Variants in TRAPPC9 observed in about 807,000 individuals in gnomAD.
TRAPPC9 encodes the protein trafficking protein particle complex subunit 9, also known as IKK2 binding protein.
A neutral mutation model predicts 124.0 loss-of-function variants in TRAPPC9; 83 were observed. The observed-to-expected ratio is 0.67, with a 90% CI of 0.56 to 0.80. TRAPPC9 has a LOEUF of 0.80. Among genes scored for constraint, TRAPPC9 ranks in the 30% least tolerant of loss-of-function variants. TRAPPC9 has a pLI of 0.00. For synonymous variants in TRAPPC9, 638 were observed against 617.5 expected, an observed-to-expected ratio of 1.03 and a Z score of -0.49; for missense variants, 1,302 against 1,508.3, an observed-to-expected ratio of 0.86 and a Z score of 2.27.
chr8:140,020,248 C>T (rs917393661), intron 18 of TRAPPC9, among the ~76,000 whole-genome samples: 4 of 152,142 alleles, frequency 2.6e-5, no homozygotes, highest in Admixed American at 6.5e-5. Context: ...CTGATATCCA[C>T]TCTATTATTT....
intron 21 of TRAPPC9, among the ~76,000 whole-genome samples, chr8:139,786,317 G>A (rs886199983): frequency 6.6e-6 from 1 of 152,190 alleles, no homozygotes. Flanking sequence ...ACTTAACACC[G>A]TGAGTCAGTA....
intron 7 of TRAPPC9, among the ~76,000 whole-genome samples, chr8:140,379,921 C>T (rs1451036591): frequency 1.3e-5 from 2 of 152,178 alleles, no homozygotes; most frequent in African/African-American, 4.8e-5. Flanking sequence ...CTAAATTTGT[C>T]TCCTTCCTGG....
intron 21 of TRAPPC9, among the ~76,000 whole-genome samples, chr8:139,814,811 A>G (rs971881583): frequency 6.6e-6 from 1 of 152,216 alleles, no homozygotes; most frequent in Non-Finnish European, 1.5e-5. Context: ...GGTGCCAAAG[A>G]CAGACAGAAG....
intron 17 of TRAPPC9, among the ~76,000 whole-genome samples, chr8:140,058,614 T>C (rs1489724008): frequency 1.3e-5 from 2 of 152,030 alleles, no homozygotes; most frequent in African/African-American, 4.8e-5. Context: ...GCAGGGAGCA[T>C]CCTGACGGAA....
chr8:140,155,662 A>G (rs1004823697), intron 17 of TRAPPC9, among the ~76,000 whole-genome samples: 1 of 152,112 alleles, frequency 6.6e-6, no homozygotes, highest in African/African-American at 2.4e-5. Context: ...CTTCAGCCAA[A>G]AAAGATACAT....
rs191831471 is a variant in TRAPPC9, at chr8:139,759,705, G to A, written c.3056-27503C>T. ...AACACGAACTGCAGACACGGGGGCC[G>A]GGCTCCCCTGGGGGGACACAAACTC... On this transcript the variant is annotated intron_variant, in intron 21 of 22. Coordinates refer to ENST00000438773, the MANE Select transcript of TRAPPC9 (RefSeq NM_001160372.4). Among the ~76,000 whole-genome samples the A allele has an allele frequency of 4.5e-4, 69 of 152,286 alleles. 2 individuals are homozygous for A. Among genetic ancestry groups the A allele is most frequent in the African/African-American group, 1.4e-3 (60 of 41,560 alleles).
At chr8:140,298,233 T>C (rs187281501) in intron 11 of TRAPPC9, among the ~76,000 whole-genome samples, 1 of 152,376 alleles carries the variant, frequency 6.6e-6, no homozygotes, top group Admixed American at 6.5e-5. Flanking sequence ...ACAACTTTAT[T>C]TCCTCTGAAG....
At chr8:140,077,195 C>T (rs774771396) in intron 17 of TRAPPC9, among the ~76,000 whole-genome samples, 1 of 151,980 alleles carries the variant, frequency 6.6e-6, no homozygotes, top group Non-Finnish European at 1.5e-5. Flanking sequence ...AAAATATAAC[C>T]ACAAAATATA....
chr8:139,824,314 GCT>G (rs1243986804), intron 21 of TRAPPC9, among the ~76,000 whole-genome samples: 1 of 152,170 alleles, frequency 6.6e-6, no homozygotes, highest in Non-Finnish European at 1.5e-5. Context: ...TGCCAAGCGT[GCT>G]TCCTGTGCAG....
chr8:140,239,402 G>C (rs2063806378), intron 16 of TRAPPC9, among the ~76,000 whole-genome samples: 1 of 152,174 alleles, frequency 6.6e-6, no homozygotes, highest in African/African-American at 2.4e-5. Context: ...CAACTGAATG[G>C]GACAGAGAGC....
intron 7 of TRAPPC9, among the ~76,000 whole-genome samples, chr8:140,381,107 AG>A (rs1408908145): frequency 6.6e-6 from 1 of 151,236 alleles, no homozygotes; most frequent in Non-Finnish European, 1.5e-5. Flanking sequence ...TGGGAGGCTG[AG>A]GCAGGAGAAT....
At chr8:140,249,380 A>C (rs571040615) in intron 16 of TRAPPC9, among the ~76,000 whole-genome samples, 1 of 152,186 alleles carries the variant, frequency 6.6e-6, no homozygotes, top group African/African-American at 2.4e-5. Context: ...CTATGGCTGC[A>C]TAGTCTTCCA....
intron 17 of TRAPPC9, among the ~76,000 whole-genome samples, chr8:140,106,057 G>C (rs2060657986): frequency 6.6e-6 from 1 of 151,502 alleles, no homozygotes; most frequent in African/African-American, 2.4e-5. Flanking sequence ...AAAAAAGTCT[G>C]GTGCTCAGAT....
intron 19 of TRAPPC9, among the ~76,000 whole-genome samples, chr8:139,934,475 T>C (rs577136059): frequency 1.3e-5 from 2 of 152,332 alleles, no homozygotes; most frequent in East Asian, 3.9e-4. Flanking sequence ...TCTTCCAATC[T>C]CTTGTAGGCC....
At chr8:140,330,840 T>G (rs866260110) in intron 9 of TRAPPC9, among the ~76,000 whole-genome samples, 1 of 152,166 alleles carries the variant, frequency 6.6e-6, no homozygotes, top group Non-Finnish European at 1.5e-5. Flanking sequence ...ACTTTCTGCT[T>G]TTTTCATTTT....
chr8:140,387,614 A>G (rs1219975853), intron 7 of TRAPPC9, among the ~76,000 whole-genome samples: 1 of 152,226 alleles, frequency 6.6e-6, no homozygotes, highest in African/African-American at 2.4e-5. Flanking sequence ...GCCAACAGAC[A>G]CATGAAAAAA....
intron 21 of TRAPPC9, among the ~76,000 whole-genome samples, chr8:139,738,467 G>A (rs989404074): frequency 3.9e-5 from 6 of 152,220 alleles, no homozygotes; most frequent in Admixed American, 1.3e-4. Context: ...CATCGGAGTA[G>A]GCCCAATGGC....
intron 1 of TRAPPC9, among the ~76,000 whole-genome samples, chr8:140,456,040 T>C (rs1564037738): frequency 2.6e-5 from 4 of 152,094 alleles, no homozygotes; most frequent in South Asian, 4.2e-4. Flanking sequence ...TGACTGCTAA[T>C]GGGTATGGAG....
At chr8:140,103,070 C>G (rs574282422) in intron 17 of TRAPPC9, among the ~76,000 whole-genome samples, 2 of 152,262 alleles carry the variant, frequency 1.3e-5, no homozygotes, top group Non-Finnish European at 2.9e-5. Flanking sequence ...GCATGAAAGA[C>G]CTGCCGCTCC....
Sources: allele counts gnomAD v4.1 joint callset (sites outside exome capture counted in the v4.1 genomes callset), GRCh38; gene constraint gnomAD v4.1.1; transcripts MANE v1.5; gene names NCBI Gene and HGNC (gene_info 2026-07-23, HGNC 2026-07-21).